COQ5: variants seen among roughly 807,000 people sequenced by gnomAD.
The protein encoded by COQ5 is coenzyme Q5, methyltransferase.
Under a neutral mutation model 40.5 loss-of-function variants are expected in COQ5, and 27 were observed. The ratio of observed to expected loss-of-function variants is 0.67; its 90% CI spans 0.49 to 0.92. The LOEUF (loss-of-function observed/expected upper bound fraction) is 0.92. Ranked by LOEUF, COQ5 falls within the 40% of genes least tolerant of loss-of-function variation. The probability of loss-of-function intolerance (pLI) is 0.00; values close to 1 mark genes in which losing one functional copy is unlikely to be tolerated. For synonymous variants in COQ5, 141 were observed against 150.0 expected, an observed-to-expected ratio of 0.94 and a Z score of 0.44; for missense variants, 409 against 406.4, an observed-to-expected ratio of 1.01 and a Z score of -0.06.
chr12:120,504,145 GAAGA>G (rs1868775635), intron 5 of COQ5, 64 bp from the exon 6 acceptor site: 2 of 1,010,072 alleles, frequency 2.0e-6, no homozygotes, highest in Admixed American at 3.4e-5. Context: ...CCCTAGATAA[GAAGA>G]AAGAAGGACT....
chr12:120,518,570 T>C (rs371572402), intron 2 of COQ5, among the ~76,000 whole-genome samples: 1 of 151,630 alleles, frequency 6.6e-6, no homozygotes, highest in East Asian at 1.9e-4. Flanking sequence ...TTATATCTTT[T>C]TTTTTTTTTC....
Position 120,503,540 on chromosome 12 carries a change from T to C in COQ5, c.*244A>G, listed in dbSNP as rs1165858473. ...CACACACCCTACAGCCAAGAGAAAT[T>C]AGCAGTTGAGCAAAGATACAGACCA... On this transcript the variant is annotated 3_prime_UTR_variant, in exon 7 of 7. Transcript: ENST00000288532. 1.6e-6 allele frequency: 1 copy of C among 628,000 alleles called. No homozygotes were observed. The highest frequency in any genetic ancestry group is 2.1e-5 in the Admixed American group (1 of 47,658). The allele number at this position is 628,000 out of a possible 1,614,324, so 38.9% of individuals were successfully genotyped here.
chr12:120,517,399 G>A (rs961246563), intron 2 of COQ5, among the ~76,000 whole-genome samples: 4 of 151,264 alleles, frequency 2.6e-5, no homozygotes, highest in Admixed American at 6.6e-5. Flanking sequence ...GGCCGGGCGC[G>A]GTGGCTCATG....
chr12:120,514,817 G>T (rs1458173235), intron 3 of COQ5, among the ~76,000 whole-genome samples: 1 of 152,006 alleles, frequency 6.6e-6, no homozygotes, highest in Non-Finnish European at 1.5e-5. Flanking sequence ...TGCCAGGACG[G>T]AGTTTCTCTC....
chr12:120,523,385 A>G (rs1292114224), intron 1 of COQ5: 2 of 375,288 alleles, frequency 5.3e-6, no homozygotes, highest in Non-Finnish European at 1.0e-5. Flanking sequence ...GTTTCTTGAT[A>G]CCATTTCTGT....
Position 120,503,999 on chromosome 12 carries a change from C to T in COQ5, c.853G>A (p.Val285Ile), listed in dbSNP as rs1868767394. 1 of 1,613,294 alleles carries T rather than the reference C, an allele frequency of 6.2e-7. No individual in the cohort carries two copies. The highest frequency in any genetic ancestry group is 8.5e-7 in the Non-Finnish European group (1 of 1,179,238). Residue 285 changes from valine (V) to isoleucine (I), a missense_variant, in exon 6 of 7, where the codon GTA (valine) becomes ATA (isoleucine). Coordinates refer to ENST00000288532, the MANE Select transcript of COQ5 (RefSeq NM_032314.4). ...GACGGAAACCTTCGGATACTCTCTA[C>T]AAGGTACTGATAGGACTTCCAGTCT... ...AGDWKSYQYLVESIRRFPSQE... is the reference protein window; with the variant it reads ...AGDWKSYQYLIESIRRFPSQE...
chr12:120,521,197 G>A (rs900344906), intron 2 of COQ5, among the ~76,000 whole-genome samples: 4 of 151,280 alleles, frequency 2.6e-5, no homozygotes, highest in African/African-American at 9.7e-5. Context: ...CTCCCAAGTA[G>A]CTGGGATTAC....
intron 6 of COQ5, 39 bp from the exon 7 acceptor site, chr12:120,503,924 G>A: frequency 6.3e-7 from 1 of 1,597,448 alleles, no homozygotes; most frequent in Non-Finnish European, 8.6e-7. Context: ...AGGGTAGCCT[G>A]GATATCACTG....
At chr12:120,513,817 A>G (rs1216704630) in intron 3 of COQ5, among the ~76,000 whole-genome samples, 2 of 151,788 alleles carry the variant, frequency 1.3e-5, no homozygotes, top group Non-Finnish European at 2.9e-5. Context: ...ACTGCGCCCG[A>G]CCACACATTA....
At chr12:120,505,907 G>C (rs547293183) in intron 4 of COQ5, among the ~76,000 whole-genome samples, 1 of 151,690 alleles carries the variant, frequency 6.6e-6, no homozygotes, top group African/African-American at 2.4e-5. Context: ...CCAGGCTAGA[G>C]TGCAATGGCA....
intron 4 of COQ5, among the ~76,000 whole-genome samples, chr12:120,506,668 A>AT (rs34935556): frequency 0.27 from 40,221 of 151,508 alleles, 6,399 homozygotes; most frequent in Admixed American, 0.39. Context: ...CGCCCAGCCT[A>AT]TTTTTTTTAT....
intron 1 of COQ5, 135 bp downstream of exon 1, chr12:120,528,805 C>CCA: frequency 1.3e-6 from 1 of 740,844 alleles, no homozygotes; most frequent in Non-Finnish European, 2.2e-6. Flanking sequence ...ATTCTGTCTC[C>CCA]AAAAAAAAAA....
intron 1 of COQ5, among the ~76,000 whole-genome samples, chr12:120,525,520 G>A (rs571285116): frequency 6.6e-6 from 1 of 152,272 alleles, no homozygotes; most frequent in South Asian, 2.1e-4. Context: ...GGGGGCTAAT[G>A]GGAGAGGACT....
At chr12:120,512,387 G>A (rs1347491196) in intron 3 of COQ5, among the ~76,000 whole-genome samples, 1 of 152,180 alleles carries the variant, frequency 6.6e-6, no homozygotes, top group South Asian at 2.1e-4. Context: ...TGGATCACGA[G>A]GTCAAGAGTT....
intron 1 of COQ5, chr12:120,523,888 TAATCCCA>T (rs1869793418): frequency 2.5e-6 from 1 of 398,112 alleles, no homozygotes; most frequent in Non-Finnish European, 5.0e-6. Context: ...TGCACACCTG[TAATCCCA>T]GCTACTCGGG....
chr12:120,524,896 G>A (rs1439583281), intron 1 of COQ5, among the ~76,000 whole-genome samples: 2 of 151,516 alleles, frequency 1.3e-5, no homozygotes, highest in African/African-American at 4.9e-5. Context: ...TTGGCTCACT[G>A]TAACCTCCGC....
chr12:120,511,367 C>A (rs1252005076), intron 3 of COQ5, among the ~76,000 whole-genome samples: 1 of 152,016 alleles, frequency 6.6e-6, no homozygotes, highest in Non-Finnish European at 1.5e-5. Flanking sequence ...TATCAAGTGG[C>A]AGGGTCTGTG....
chr12:120,505,436 G>A (rs916652800), intron 4 of COQ5, among the ~76,000 whole-genome samples: 2 of 151,972 alleles, frequency 1.3e-5, no homozygotes, highest in Admixed American at 1.3e-4. Flanking sequence ...CGCCCAGACT[G>A]GAGTGCAGTG....
chr12:120,516,170 T>C (rs1869364794), intron 3 of COQ5, among the ~76,000 whole-genome samples: 1 of 152,130 alleles, frequency 6.6e-6, no homozygotes, highest in South Asian at 2.1e-4. Context: ...AATGGAATGG[T>C]TCAAGAATGG....
Sources: gnomAD v4.1 joint callset for allele counts (sites outside exome capture counted in the v4.1 genomes callset) on GRCh38, gnomAD v4.1.1 for gene constraint, MANE v1.5 for transcripts, NCBI Gene and HGNC (gene_info 2026-07-23, HGNC 2026-07-21) for gene names.